The following ILK variants were observed in gnomAD, a reference collection of about 807,000 sequenced individuals.
ILK encodes integrin linked kinase.
A neutral mutation model predicts 57.8 loss-of-function variants in ILK; 37 were observed. The ratio of observed to expected loss-of-function variants is 0.64; its 90% CI spans 0.49 to 0.84. ILK has a LOEUF of 0.84. ILK is among the 40% of genes least tolerant of loss of function. The pLI is 0.00. For missense variants in ILK, 528 were observed against 595.7 expected (o/e 0.89, Z 1.18); for synonymous variants, 231 against 202.2 (o/e 1.14, Z -1.21).
rs777155173 is a variant in ILK, at chr11:6,609,083, T to C, written c.545T>C (p.Leu182Pro). ...TTRTRPRNGT[L>P]NKHSGIDFKQ... is the part of the protein sequence containing the mutation. ...CCCACACTCTTAGGAAATGGAACCCTGAACAAACACTCTGGCATTGACTTC... is the reference window on the plus strand; with the variant it reads ...CCCACACTCTTAGGAAATGGAACCCCGAACAAACACTCTGGCATTGACTTC... The change falls in exon 7 of 13, where the codon CTG becomes CCG. Residue 182 changes from leucine to proline, a missense_variant. By Grantham distance (98) the Leu-to-Pro change is moderately conservative. Transcript: ENST00000299421. 3.7e-6 allele frequency: 6 copies of C among 1,614,164 alleles called. No individual in the cohort carries two copies. In the South Asian group the frequency reaches 6.6e-5, roughly 18 times the overall value.
At position 6,610,602 on chromosome 11, in the gene ILK, G is replaced by C. The variant is rs767862990; in HGVS notation, c.1350G>C (p.Gln450His). 2.5e-6 allele frequency: 4 copies of C among 1,614,214 alleles called. No individual in the cohort carries two copies. Among genetic ancestry groups the C allele is most frequent in the Non-Finnish European group, 2.5e-6 (3 of 1,180,038 alleles). The change falls in exon 13 of 13, where the codon CAG becomes CAC. Residue 450 changes from glutamine (Q) to histidine (H), a missense_variant. By Grantham distance (24) the Gln-to-His change is conservative (BLOSUM62 0). Coordinates refer to ENST00000299421, the MANE Select transcript of ILK (RefSeq NM_004517.4). ...TTGTGCCTATCCTTGAGAAGATGCA[G>C]GACAAGTAGGACTGGAAGGTCCTTG... is the stretch of plus-strand genomic sequence containing the variant. ...DMIVPILEKM[Q>H]DK
At chr11:6,604,011 C>T in intron 1 of ILK, 169 bp from the exon 2 acceptor site, 1 of 583,928 alleles carries the variant, frequency 1.7e-6, no homozygotes. Context: ...ATCCGTTCAG[C>T]AGACACTACC....
chr11:6,605,514 T>G (rs1188033038), intron 2 of ILK, among the ~76,000 whole-genome samples: 1 of 65,988 alleles, frequency 1.5e-5, no homozygotes, highest in Non-Finnish European at 2.9e-5. Context: ...TACAGTTGGG[T>G]TTTTTTTTTT....
Position 6,603,797 on chromosome 11 carries a change from A to G in ILK, c.-118A>G, listed in dbSNP as rs45565234. On this transcript the variant is annotated 5_prime_UTR_variant, in exon 1 of 13. Coordinates refer to ENST00000299421, the MANE Select transcript of ILK (RefSeq NM_004517.4). ...GCGCGGCCGGACGGGAGTTCCCCGG[A>G]GAAGGATCCTGCAGCCCGAGTCCCG... 2,161 of 360,382 alleles carry G rather than the reference A, an allele frequency of 6.0e-3. 11 individuals are homozygous for G. Among genetic ancestry groups the G allele is most frequent in the Non-Finnish European group, 8.4e-3 (1,689 of 201,078 alleles). The allele number at this position is 360,382 out of a possible 1,614,324, so 22.3% of individuals were successfully genotyped here.
At chr11:6,607,130 C>G (rs1854995454) in intron 2 of ILK, 1 of 152,476 alleles carries the variant, frequency 6.6e-6, no homozygotes, top group African/African-American at 2.4e-5. Flanking sequence ...CCGGAGGCTG[C>G]TGGCCCAGAC....
intron 2 of ILK, among the ~76,000 whole-genome samples, chr11:6,606,003 G>C (rs1420737597): frequency 6.6e-6 from 1 of 152,106 alleles, no homozygotes; most frequent in African/African-American, 2.4e-5. Context: ...GTGAAACCCT[G>C]TCTCTACTAA....
intron 2 of ILK, chr11:6,606,496 GT>G (rs1854920520): frequency 6.6e-6 from 1 of 152,172 alleles, no homozygotes; most frequent in Non-Finnish European, 1.5e-5. Flanking sequence ...AGTAAGCACT[GT>G]TACTGTTTTG....
At chr11:6,604,064 G>T in intron 1 of ILK, 116 bp from the exon 2 acceptor site, 1 of 623,516 alleles carries the variant, frequency 1.6e-6, no homozygotes, top group South Asian at 1.8e-5. Flanking sequence ...TTTACCTCGC[G>T]TCTAGAGGAC....
rs1362383343 is a variant in ILK, at chr11:6,604,154, C to G, written c.-92-26C>G. 17 of 952,752 alleles carry G rather than the reference C, an allele frequency of 1.8e-5. No homozygotes were observed. In the Middle Eastern group the frequency reaches 9.2e-4, roughly 51 times the overall value. The allele number at this position is 952,752 out of a possible 1,614,324, so 59.0% of individuals were successfully genotyped here. A position where few individuals can be genotyped will look rare whatever the true frequency, so the allele number is the denominator to read the frequency against. ...GGGACGCAGCTCAGGCCCCCTACCC[C>G]CAACACAAACACTTCTCTCCTGTAG... On this transcript the variant is annotated intron_variant, in intron 1 of 12. Transcript: ENST00000299421.
At chr11:6,609,675 TG>T (rs1564848423) in intron 9 of ILK, 36 bp downstream of exon 9, 1 of 1,614,120 alleles carries the variant, frequency 6.2e-7, no homozygotes, top group Admixed American at 1.7e-5. Flanking sequence ...GGGGAGGAAA[TG>T]GCAGAGAGGG....
At position 6,610,732 on chromosome 11, in the gene ILK, A is replaced by G. The variant is rs1277367487; in HGVS notation, c.*121A>G. 9 of 1,362,594 alleles carry G rather than the reference A, an allele frequency of 6.6e-6. No homozygotes were observed. The East Asian group carries it at 1.6e-4, about 25-fold the overall frequency. 84.4% of individuals were successfully genotyped at this position (1,362,594 alleles called of 1,614,324 possible). On this transcript the variant is annotated 3_prime_UTR_variant, in exon 13 of 13. Coordinates refer to ENST00000299421, the MANE Select transcript of ILK (RefSeq NM_004517.4). ...CTCCAGTCATGGTACTACCCCAGCC[A>G]TGGGGTCCATCCCCTTCCCCCATCC... is the stretch of plus-strand genomic sequence containing the variant.
At chr11:6,610,441 C>CT in intron 12 of ILK, 21 bp from the exon 13 acceptor site, 2 of 1,614,132 alleles carry the variant, frequency 1.2e-6, no homozygotes, top group Non-Finnish European at 1.7e-6. Flanking sequence ...TGTGAGGCTG[C>CT]TTTTTTTCTT....
chr11:6,605,747 T>G (rs1854836867), intron 2 of ILK, among the ~76,000 whole-genome samples: 1 of 152,188 alleles, frequency 6.6e-6, no homozygotes, highest in African/African-American at 2.4e-5. Flanking sequence ...GAGTGTTGTT[T>G]CAGAATAATG....
rs758566117 is a variant in ILK at position 6,608,022 on chromosome 11, A to G, written c.90-24A>G. The G allele has an allele frequency of 1.9e-6, 3 of 1,613,348 alleles. No individual in the cohort carries two copies. Among genetic ancestry groups the G allele is most frequent in the Non-Finnish European group, 2.5e-6 (3 of 1,179,840 alleles). On this transcript the variant is annotated intron_variant, in intron 2 of 12. Transcript: ENST00000299421. The surrounding 1 kb of genome is among the most constrained non-coding windows in gnomAD (Gnocchi z 4.9). ...TTTGCCCCATCCCACCTCCAGCTCA[A>G]TGACCATTGCCCCTTCCTCAAAGGG...
intron 2 of ILK, 53 bp downstream of exon 2, chr11:6,604,413 G>A: frequency 6.9e-7 from 1 of 1,454,152 alleles, no homozygotes; most frequent in Non-Finnish European, 9.5e-7. Context: ...TCCTGGCTAC[G>A]TGGAGTGGAG....
intron 2 of ILK, chr11:6,606,849 A>T (rs1045297614): frequency 6.6e-6 from 1 of 152,244 alleles, no homozygotes; most frequent in Non-Finnish European, 1.5e-5. Flanking sequence ...CTGGAAGCTG[A>T]TAAGTCAGGG....
rs546751176 is a variant in ILK at position 6,603,795 on chromosome 11, G to C, written c.-120G>C. The stretch of plus-strand genomic sequence containing the variant: ...GGGCGCGGCCGGACGGGAGTTCCCC[G>C]GAGAAGGATCCTGCAGCCCGAGTCC... On this transcript the variant is annotated 5_prime_UTR_variant, in exon 1 of 13. Coordinates refer to ENST00000299421, the MANE Select transcript of ILK (RefSeq NM_004517.4). 5.5e-6 allele frequency: 2 copies of C among 362,684 alleles called. No homozygotes were observed. Among genetic ancestry groups the C allele is most frequent in the South Asian group, 1.0e-4 (2 of 20,020 alleles). 22.5% of individuals were successfully genotyped at this position (362,684 alleles called of 1,614,324 possible). A position where few individuals can be genotyped will look rare whatever the true frequency, so the allele number is the denominator to read the frequency against.
Position 6,610,468 on chromosome 11 carries a change from T to C in ILK, c.1216T>C (p.Leu406=), listed in dbSNP as rs371707871. Residue 406 remains leucine, a synonymous_variant, in exon 13 of 13, where the codon TTG becomes CTG. Transcript: ENST00000299421. ...TTTTTTCTTGTATTCGCAGGTGGCATTGGAAGGCCTTCGGCCTACCATCCC... is the reference window on the plus strand; with the variant it reads ...TTTTTTCTTGTATTCGCAGGTGGCACTGGAAGGCCTTCGGCCTACCATCCC... ...SNMEIGMKVA[L]EGLRPTIPPG... 5.0e-6 allele frequency: 8 copies of C among 1,614,124 alleles called. No individual in the cohort carries two copies. In the East Asian group the frequency reaches 6.7e-5, roughly 13 times the overall value.
Position 6,610,137 on chromosome 11 carries a change from T to C in ILK, c.1079-11T>C. 7 of 1,614,210 alleles carry C rather than the reference T, an allele frequency of 4.3e-6. No homozygotes were observed. Among genetic ancestry groups the C allele is most frequent in the South Asian group, 1.1e-5 (1 of 91,078 alleles). On this transcript the variant is annotated splice_polypyrimidine_tract_variant and intron_variant, in intron 11 of 12. Coordinates refer to ENST00000299421, the MANE Select transcript of ILK (RefSeq NM_004517.4). ...CAAGGGGGCCAGAACAGACAAGCCC[T>C]ATCTCTCCAGCTCTGCAGAAGAAGC...
Sources: gnomAD v4.1 joint callset for allele counts (sites outside exome capture counted in the v4.1 genomes callset) on GRCh38, gnomAD v4.1.1 for gene constraint, Gnocchi (gnomAD v3.1) non-coding constraint, MANE v1.5 for transcripts, NCBI Gene and HGNC (gene_info 2026-07-23, HGNC 2026-07-21) for gene names.